CPSF1: variants seen among roughly 807,000 people sequenced by gnomAD.
CPSF1 encodes cleavage and polyadenylation specific factor 1, also known as cleavage and polyadenylation specificity factor subunit 1.
Under a neutral mutation model 175.8 loss-of-function variants are expected in CPSF1, and 106 were observed. The ratio of observed to expected loss-of-function variants is 0.60; its 90% CI spans 0.52 to 0.71. The LOEUF is 0.71. Among genes scored for constraint, CPSF1 ranks in the 30% least tolerant of loss-of-function variants. CPSF1 has a pLI of 0.00. For synonymous variants in CPSF1, 1,024 were observed against 858.3 expected (o/e 1.19, Z -3.37); for missense variants, 1,734 against 2,022.9 (o/e 0.86, Z 2.74).
chr8:144,400,135 G>GGGCCCCCCCCCCCCCCCCC, intron 9 of CPSF1, 31 bp downstream of exon 9: 113 of 895,728 alleles, frequency 1.3e-4, no homozygotes, highest in Non-Finnish European at 1.6e-4. Flanking sequence ...CCGTCCCCGG[G>GGGCCCCCCCCCCCCCCCCC]CCCCCCCCGC....
Position 144,398,001 on chromosome 8 carries a change from CGTA to C in CPSF1, c.2023_2025del (p.Tyr675del). 1 of 1,611,668 alleles carries C rather than the reference CGTA, an allele frequency of 6.2e-7. No individual in the cohort carries two copies. Among genetic ancestry groups the C allele is most frequent in the Non-Finnish European group, 8.5e-7 (1 of 1,179,618 alleles). ...AGCGCCAGGCGGTGGTGGCGGCCACCGTAGGAGTCACTCTTCAGCAGGAACATG... is the reference window on the plus strand; with the variant it reads ...AGCGCCAGGCGGTGGTGGCGGCCACCGGAGTCACTCTTCAGCAGGAACATG... On this transcript the variant is annotated inframe_deletion, in exon 20 of 38. Transcript: ENST00000616140.
rs2116854789 is a variant in CPSF1 at position 144,398,779 on chromosome 8, C to A, written c.1638G>T (p.Glu546Asp). 4 of 1,595,862 alleles carry A rather than the reference C, an allele frequency of 2.5e-6. No homozygotes were observed. The South Asian group carries it at 4.5e-5, about 18-fold the overall frequency. Reference protein sequence around the residue: ...WTVIAPVRKEEEDNPKGEGTE... With the variant: ...WTVIAPVRKEDEDNPKGEGTE... ...CTCCCTGCAGCAGGCTCGCACCTAC[C>A]TCCTCCTTACGCACCGGGGCGATGA... The change falls in exon 17 of 38, where the codon GAG becomes GAT. Residue 546 changes from glutamate (E) to aspartate (D), a missense_variant and splice_region_variant. Glu to Asp is a conservative substitution (Grantham distance 45). This residue lies in a region of CPSF1 where 280 missense variants were observed against 349.2 expected (regional missense o/e 0.80). Transcript: ENST00000616140.
In CPSF1 at chr8:144,397,248, G is replaced by C. The variant is rs1468111934; in HGVS notation, c.2551C>G (p.Leu851Val). Residue 851 changes from leucine (L) to valine (V), a missense_variant, in exon 23 of 38, where the codon CTG becomes GTG. Physicochemically the swap from Leu to Val is conservative, Grantham distance 32. Transcript: ENST00000616140. ...CTCTGGCGGCTGCCCAGCGCCACCAGCAGCACCTCCTTGACGAGGGGCAGC... is the reference window on the plus strand; with the variant it reads ...CTCTGGCGGCTGCCCAGCGCCACCACCAGCACCTCCTTGACGAGGGGCAGC... ...GELPLVKEVLLVALGSRQSRP... is the reference protein window; with the variant it reads ...GELPLVKEVLVVALGSRQSRP... 3.9e-6 allele frequency: 6 copies of C among 1,550,442 alleles called. No individual in the cohort carries two copies. The highest frequency in any genetic ancestry group is 2.4e-5 in the South Asian group (2 of 84,256).
At chr8:144,409,219 G>C in intron 1 of CPSF1, 47 bp from the exon 2 acceptor site, 1 of 1,455,716 alleles carries the variant, frequency 6.9e-7, no homozygotes, top group Non-Finnish European at 9.1e-7. Flanking sequence ...GCCCACGCAG[G>C]AGCCCGGCCC....
rs781915824 is a variant in CPSF1, at chr8:144,396,681, C to T, written c.2743G>A (p.Gly915Ser). 4 of 1,613,934 alleles carry T rather than the reference C, an allele frequency of 2.5e-6. No individual in the cohort carries two copies. Among genetic ancestry groups the T allele is most frequent in the South Asian group, 2.2e-5 (2 of 91,086 alleles). Residue 915 changes from glycine (G) to serine (S), a missense_variant, in exon 25 of 38, where the codon GGT becomes AGT. Physicochemically the swap from Gly to Ser is moderately conservative, Grantham distance 56. This residue lies in a region of CPSF1 where 585 missense variants were observed against 584.7 expected (regional missense o/e 1.00). Coordinates refer to ENST00000616140, the MANE Select transcript of CPSF1 (RefSeq NM_013291.3). ...CCAGCCCCCTCCTCTGCGCCGCCACCTTCTGCTTTCTTCTTGGATGGCTTT... is the reference window on the plus strand; with the variant it reads ...CCAGCCCCCTCCTCTGCGCCGCCACTTTCTGCTTTCTTCTTGGATGGCTTT... Reference protein sequence around the residue: ...KPKPSKKKAEGGGAEEGAGAR... With the variant: ...KPKPSKKKAESGGAEEGAGAR...
Position 144,397,370 on chromosome 8 carries a change from T to C in CPSF1, c.2429A>G (p.Asn810Ser), listed in dbSNP as rs1820838199. 1 of 1,567,902 alleles carries C rather than the reference T, an allele frequency of 6.4e-7. No homozygotes were observed. The highest frequency in any genetic ancestry group is 8.6e-7 in the Non-Finnish European group (1 of 1,156,748). The change falls in exon 23 of 38, where the codon AAC (asparagine) becomes AGC (serine). Residue 810 changes from asparagine to serine, a missense_variant. Asn to Ser is a conservative substitution (Grantham distance 46, BLOSUM62 1). This residue lies in a region of CPSF1 where 585 missense variants were observed against 584.7 expected (regional missense o/e 1.00). Transcript: ENST00000616140. ...PDWRLVFLVK[N>S]FPVGQRVLVD... The stretch of plus-strand genomic sequence containing the variant: ...AAGGACCCGCTGCCCCACAGGGAAG[T>C]TCTTCACCAGGAACACCAGCCGCCA...
chr8:144,404,789 G>A (rs2116899854), intron 2 of CPSF1, among the ~76,000 whole-genome samples: 1 of 148,372 alleles, frequency 6.7e-6, no homozygotes, highest in Non-Finnish European at 1.5e-5. Context: ...GGGCGTGGTG[G>A]CTCACGCCTG....
At position 144,400,719 on chromosome 8, in the gene CPSF1, T is replaced by C; in HGVS notation, c.638A>G (p.Tyr213Cys). The C allele has an allele frequency of 6.2e-7, 1 of 1,612,814 alleles. No individual in the cohort carries two copies. Among genetic ancestry groups the C allele is most frequent in the Non-Finnish European group, 8.5e-7 (1 of 1,179,568 alleles). ...AAACAGGATGAGGAGGGTAGGCTCG[T>C]AGTAGCCATGCAGGAACTGCAGGTC... ...IIDLQFLHGY[Y>C]EPTLLILFEP... Residue 213 changes from tyrosine (Y) to cysteine (C), a missense_variant, in exon 7 of 38, where the codon TAC becomes TGC. Around this residue, in one of 10 missense-constraint regions of CPSF1, gnomAD observed 122 missense variants for 177.2 expected, o/e 0.69. Coordinates refer to ENST00000616140, the MANE Select transcript of CPSF1 (RefSeq NM_013291.3).
chr8:144,409,311 G>T lies in CPSF1; in HGVS notation c.-37C>A. On this transcript the variant is annotated 5_prime_UTR_variant, in exon 1 of 38. Coordinates refer to ENST00000616140, the MANE Select transcript of CPSF1 (RefSeq NM_013291.3). ...CACCTGGCAGTTGGAGCCGACTCGA[G>T]AGGAACCGGGACAGCAGCGAACTCA... The T allele has an allele frequency of 1.8e-6, 1 of 561,008 alleles. No individual in the cohort carries two copies. The highest frequency in any genetic ancestry group is 4.5e-5 in the East Asian group (1 of 22,238). The allele number at this position is 561,008 out of a possible 1,614,324, so 34.8% of individuals were successfully genotyped here.
At position 144,395,466 on chromosome 8, in the gene CPSF1, G is replaced by C; in HGVS notation, c.3065C>G (p.Ala1022Gly). The C allele has an allele frequency of 6.2e-7, 1 of 1,613,062 alleles. No homozygotes were observed. The highest frequency in any genetic ancestry group is 8.5e-7 in the Non-Finnish European group (1 of 1,179,960). The change falls in exon 27 of 38, where the codon GCC becomes GGC. Residue 1022 changes from alanine to glycine, a missense_variant. This residue lies in a region of CPSF1 where 585 missense variants were observed against 584.7 expected (regional missense o/e 1.00). Transcript: ENST00000616140. The part of the protein sequence containing the change: ...PVRKIPLRCT[A>G]HYVAYHVESK... ...CTCCACGTGGTAAGCCACATAGTGG[G>C]CCGTGCAGCGCAGCGGGATCTTCCT... is the stretch of plus-strand genomic sequence containing the variant.
At chr8:144,401,937 G>A (rs1393380447) in intron 2 of CPSF1, among the ~76,000 whole-genome samples, 1 of 152,176 alleles carries the variant, frequency 6.6e-6, no homozygotes, top group Non-Finnish European at 1.5e-5. Context: ...TAGCAGCCAG[G>A]CCCTGTGCGG....
intron 2 of CPSF1, among the ~76,000 whole-genome samples, chr8:144,405,417 G>A (rs2116901824): frequency 6.6e-6 from 1 of 152,364 alleles, no homozygotes. Flanking sequence ...GAGGTCAGGA[G>A]TTCGAGACCA....
chr8:144,395,321 C>T lies in CPSF1; in HGVS notation c.3131G>A (p.Cys1044Tyr). 1 of 1,613,484 alleles carries T rather than the reference C, an allele frequency of 6.2e-7. No individual in the cohort carries two copies. The highest frequency in any genetic ancestry group is 8.5e-7 in the Non-Finnish European group (1 of 1,179,968). ...GCCAGTCATGCGTGGGATGCGGGCA[C>T]ACGGCGTGTTGGTGCTGGTGGCCAC... is the stretch of plus-strand genomic sequence containing the variant. ...YAVATSTNTP[C>Y]ARIPRMTGEE... is the part of the protein sequence containing the mutation. Residue 1044 changes from cysteine to tyrosine, a missense_variant, in exon 28 of 38, where the codon TGT becomes TAT. Coordinates refer to ENST00000616140, the MANE Select transcript of CPSF1 (RefSeq NM_013291.3).
At chr8:144,405,421 G>A (rs1821442789) in intron 2 of CPSF1, among the ~76,000 whole-genome samples, 2 of 152,160 alleles carry the variant, frequency 1.3e-5, no homozygotes, top group Admixed American at 1.3e-4. Flanking sequence ...TCAGGAGTTC[G>A]AGACCAGCCT....
In CPSF1 at chr8:144,393,377, G is replaced by C. The variant is rs1820441671; in HGVS notation, c.4285-12C>G. 1 of 1,151,996 alleles carries C rather than the reference G, an allele frequency of 8.7e-7. No homozygotes were observed. Among genetic ancestry groups the C allele is most frequent in the African/African-American group, 1.6e-5 (1 of 60,746 alleles). 71.4% of individuals were successfully genotyped at this position (1,151,996 alleles called of 1,614,324 possible). A position where few individuals can be genotyped will look rare whatever the true frequency, so the allele number is the denominator to read the frequency against. On this transcript the variant is annotated splice_polypyrimidine_tract_variant and intron_variant, in intron 37 of 37. Coordinates refer to ENST00000616140, the MANE Select transcript of CPSF1 (RefSeq NM_013291.3). ...AAGTCGTCCAGGATCTGCAGGGGATGGAAGGGTGGGTGGGTGGGTGGGTGG... is the reference window on the plus strand; with the variant it reads ...AAGTCGTCCAGGATCTGCAGGGGATCGAAGGGTGGGTGGGTGGGTGGGTGG...
rs782639339 is a variant in CPSF1 at position 144,394,444 on chromosome 8, C to T, written c.3679G>A (p.Val1227Ile). 2.4e-5 allele frequency: 39 copies of T among 1,607,650 alleles called. No homozygotes were observed. The highest frequency in any genetic ancestry group is 6.8e-5 in the Admixed American group (4 of 58,984). ...SVKNFILAADVMKSISLLRYQ... is the reference protein window; with the variant it reads ...SVKNFILAADIMKSISLLRYQ... Reference sequence around the variant, plus strand: ...CGCAGCAGCGAAATGCTCTTCATGACGTCGGCTGCCAGGATGAAGTTCTTG... The same window carrying T: ...CGCAGCAGCGAAATGCTCTTCATGATGTCGGCTGCCAGGATGAAGTTCTTG... Residue 1227 changes from valine (V) to isoleucine (I), a missense_variant, in exon 32 of 38, where the codon GTC becomes ATC. Physicochemically the swap from Val to Ile is conservative, Grantham distance 29. Transcript: ENST00000616140.
chr8:144,395,954 T>G, intron 26 of CPSF1: 1 of 386,872 alleles, frequency 2.6e-6, no homozygotes, highest in Non-Finnish European at 4.8e-6. Flanking sequence ...GGGTCTCAAG[T>G]GACCTGGTGG....
At chr8:144,407,099 G>T (rs1821537452) in intron 2 of CPSF1, among the ~76,000 whole-genome samples, 1 of 151,982 alleles carries the variant, frequency 6.6e-6, no homozygotes, top group Non-Finnish European at 1.5e-5. Flanking sequence ...ATTTTTAGTA[G>T]ACACAGGGTT....
At chr8:144,393,410 C>G in intron 37 of CPSF1, 42 bp downstream of exon 37, 1 of 1,450,618 alleles carries the variant, frequency 6.9e-7, no homozygotes, top group Non-Finnish European at 9.2e-7. Context: ...TGGGGATGCA[C>G]ACGGAGGGGC....
Sources: gnomAD v4.1 joint callset for allele counts (sites outside exome capture counted in the v4.1 genomes callset) on GRCh38, gnomAD v4.1.1 for gene constraint, gnomAD v4.1.1 regional missense constraint, MANE v1.5 for transcripts, NCBI Gene and HGNC (gene_info 2026-07-23, HGNC 2026-07-21) for gene names.